The following CADM2 variants were observed in gnomAD, a reference collection of about 807,000 sequenced individuals.
CADM2 encodes the protein cell adhesion molecule 2.
CADM2 carries 12 observed loss-of-function variants against 49.8 expected under a neutral mutation model. The observed-to-expected ratio is 0.24, with a 90% CI of 0.15 to 0.39. The LOEUF is 0.39. CADM2 is among the 10% of genes least tolerant of loss of function. The probability of loss-of-function intolerance (pLI) is 1.00; values close to 1 mark genes in which losing one functional copy is unlikely to be tolerated. For missense variants in CADM2, 378 were observed against 492.3 expected (o/e 0.77, Z 2.20); for synonymous variants, 214 against 175.4 (o/e 1.22, Z -1.74).
intron 1 of CADM2, among the ~76,000 whole-genome samples, chr3:85,248,869 T>A (rs1182550499): frequency 6.6e-6 from 1 of 152,148 alleles, no homozygotes; most frequent in Non-Finnish European, 1.5e-5. Flanking sequence ...TAAATCAGCT[T>A]TCTCATCCAT....
At chr3:85,576,575 A>T (rs1333825979) in intron 1 of CADM2, among the ~76,000 whole-genome samples, 1 of 152,242 alleles carries the variant, frequency 6.6e-6, no homozygotes, top group African/African-American at 2.4e-5. Flanking sequence ...AGTATAAAGT[A>T]ACTAGATTTT....
intron 1 of CADM2, among the ~76,000 whole-genome samples, chr3:85,258,315 A>T (rs1355542072): frequency 6.6e-6 from 1 of 152,078 alleles, no homozygotes; most frequent in Non-Finnish European, 1.5e-5. Context: ...ATGCCCAATC[A>T]ATTTTCATGG....
intron 5 of CADM2, among the ~76,000 whole-genome samples, chr3:85,904,796 A>G (rs1691918017): frequency 6.6e-6 from 1 of 152,170 alleles, no homozygotes; most frequent in African/African-American, 2.4e-5. Context: ...CTTCTTAAAA[A>G]TATATTCCTT....
At chr3:85,835,655 C>T (rs1168061791) in intron 3 of CADM2, among the ~76,000 whole-genome samples, 2 of 149,968 alleles carry the variant, frequency 1.3e-5, no homozygotes, top group Admixed American at 6.7e-5. Context: ...CACTTTAATT[C>T]CCAAAGGGCA....
intron 1 of CADM2, among the ~76,000 whole-genome samples, chr3:85,027,068 A>AT (rs985464224): frequency 2.5e-4 from 17 of 67,406 alleles, no homozygotes; most frequent in East Asian, 7.8e-4. Context: ...TTATGACACT[A>AT]TTTTTTTTGT....
At chr3:85,415,905 G>T (rs1036497995) in intron 1 of CADM2, among the ~76,000 whole-genome samples, 3 of 151,926 alleles carry the variant, frequency 2.0e-5, no homozygotes, top group Non-Finnish European at 4.4e-5. Context: ...GCAAATTTGT[G>T]GGGGGAGCAG....
rs1721136713 is a variant in CADM2 at position 85,935,874 on chromosome 3, G to C, written c.791+17G>C. The C allele has an allele frequency of 2.8e-6, 4 of 1,452,654 alleles. No homozygotes were observed. Among genetic ancestry groups the C allele is most frequent in the Non-Finnish European group, 3.8e-6 (4 of 1,046,144 alleles). The allele number at this position is 1,452,654 out of a possible 1,614,324, so 90.0% of individuals were successfully genotyped here. On this transcript the variant is annotated intron_variant, in intron 7 of 9. Transcript: ENST00000383699. Reference sequence around the variant, plus strand: ...AAAACCACTGTAAGTGAGTTAATGAGCAATAAAGCTTTTAACTTTTTTTCT... The same window carrying C: ...AAAACCACTGTAAGTGAGTTAATGACCAATAAAGCTTTTAACTTTTTTTCT...
At chr3:85,570,878 T>G (rs1267472673) in intron 1 of CADM2, among the ~76,000 whole-genome samples, 1 of 152,206 alleles carries the variant, frequency 6.6e-6, no homozygotes, top group Non-Finnish European at 1.5e-5. Context: ...TAATCAGGTG[T>G]GGAGTGCTAT....
chr3:85,108,749 T>C (rs2038342622), intron 1 of CADM2, among the ~76,000 whole-genome samples: 1 of 152,088 alleles, frequency 6.6e-6, no homozygotes, highest in African/African-American at 2.4e-5. Context: ...GGATGTAAAC[T>C]TTACAATAAA....
chr3:85,843,388 C>T (rs749787148), intron 3 of CADM2, among the ~76,000 whole-genome samples: 9 of 152,016 alleles, frequency 5.9e-5, no homozygotes, highest in East Asian at 1.9e-4. Flanking sequence ...TACCCAACCC[C>T]GCCCCCCAAC....
chr3:85,109,053 C>T (rs1193190052), intron 1 of CADM2, among the ~76,000 whole-genome samples: 1 of 152,092 alleles, frequency 6.6e-6, no homozygotes, highest in Admixed American at 6.6e-5. Flanking sequence ...TTATTTATTA[C>T]TTATTAATTT....
intron 1 of CADM2, among the ~76,000 whole-genome samples, chr3:85,350,850 C>T (rs1301802618): frequency 6.6e-6 from 1 of 152,160 alleles, no homozygotes; most frequent in South Asian, 2.1e-4. Flanking sequence ...AAATTATATT[C>T]CCCTGTGGAA....
intron 1 of CADM2, among the ~76,000 whole-genome samples, chr3:85,088,714 T>G (rs956791319): frequency 2.0e-5 from 3 of 152,150 alleles, no homozygotes; most frequent in Non-Finnish European, 2.9e-5. Context: ...CTATTATGAA[T>G]TATTTAACAA....
chr3:85,244,180 T>C (rs935216981), intron 1 of CADM2, among the ~76,000 whole-genome samples: 8 of 152,112 alleles, frequency 5.3e-5, no homozygotes, highest in Admixed American at 3.3e-4. Context: ...ACTGGGTACA[T>C]GGCTAATCAT....
At chr3:85,573,110 TC>T (rs1472825837) in intron 1 of CADM2, among the ~76,000 whole-genome samples, 4 of 152,074 alleles carry the variant, frequency 2.6e-5, no homozygotes, top group Non-Finnish European at 5.9e-5. Context: ...ATAGCTTATT[TC>T]AACATCTACA....
intron 1 of CADM2, among the ~76,000 whole-genome samples, chr3:85,702,987 G>T (rs1013075252): frequency 6.6e-6 from 1 of 152,098 alleles, no homozygotes; most frequent in Non-Finnish European, 1.5e-5. Context: ...TGAAACTAGG[G>T]TGCTCACTGC....
intron 2 of CADM2, among the ~76,000 whole-genome samples, chr3:85,794,860 T>C (rs1441224754): frequency 1.3e-5 from 2 of 152,156 alleles, no homozygotes; most frequent in Non-Finnish European, 2.9e-5. Context: ...ATCCTTCAGA[T>C]GTTGATTCAT....
intron 2 of CADM2, among the ~76,000 whole-genome samples, chr3:85,727,444 A>T (rs1485502333): frequency 1.3e-5 from 2 of 152,100 alleles, no homozygotes; most frequent in African/African-American, 4.8e-5. Context: ...AAAGGAGGAG[A>T]TGGCAAATTT....
intron 1 of CADM2, among the ~76,000 whole-genome samples, chr3:85,175,154 A>G (rs1282625433): frequency 6.6e-6 from 1 of 152,190 alleles, no homozygotes; most frequent in Non-Finnish European, 1.5e-5. Context: ...TAACAAGTGT[A>G]TGTAAGGATG....
Sources: allele counts gnomAD v4.1 joint callset (sites outside exome capture counted in the v4.1 genomes callset), GRCh38; gene constraint gnomAD v4.1.1; transcripts MANE v1.5; gene names NCBI Gene and HGNC (gene_info 2026-07-23, HGNC 2026-07-21).